CDH13: variants seen among roughly 807,000 people sequenced by gnomAD.
The protein encoded by CDH13 is cadherin-13.
In CDH13, 24 loss-of-function variants were observed where a neutral mutation model predicts 63.8. That is an observed-to-expected ratio of 0.38 (90% confidence interval 0.27 to 0.53). The LOEUF is 0.53. Among genes scored for constraint, CDH13 ranks in the 20% least tolerant of loss-of-function variants. The pLI is 0.85. For synonymous variants in CDH13, 503 were observed against 355.3 expected (o/e 1.42, Z -4.67); for missense variants, 1,049 against 903.1 (o/e 1.16, Z -2.07).
intron 4 of CDH13, among the ~76,000 whole-genome samples, chr16:83,142,836 C>A (rs566735437): frequency 6.6e-6 from 1 of 152,304 alleles, no homozygotes; most frequent in African/African-American, 2.4e-5. Context: ...GGCGCAGTGG[C>A]TTATACCTGG....
intron 4 of CDH13, among the ~76,000 whole-genome samples, chr16:83,157,740 A>T (rs914493531): frequency 1.6e-5 from 1 of 62,748 alleles, no homozygotes; most frequent in East Asian, 5.0e-4. Context: ...TAGAAATATA[A>T]AAAAAAAAAA....
At chr16:83,539,108 G>C (rs1042034399) in intron 7 of CDH13, among the ~76,000 whole-genome samples, 1 of 152,136 alleles carries the variant, frequency 6.6e-6, no homozygotes, top group African/African-American at 2.4e-5. Flanking sequence ...TGAGAATCTA[G>C]TATCCTTAGA....
intron 4 of CDH13, among the ~76,000 whole-genome samples, chr16:83,129,653 G>A (rs966761315): frequency 8.5e-5 from 13 of 152,278 alleles, no homozygotes; most frequent in African/African-American, 2.2e-4. Context: ...GTGGAGGGCC[G>A]CTTCCAGGGG....
At chr16:83,426,989 T>A (rs944943476) in intron 6 of CDH13, among the ~76,000 whole-genome samples, 2 of 134,050 alleles carry the variant, frequency 1.5e-5, no homozygotes, top group Admixed American at 1.7e-4. Context: ...TGCAGTGGCG[T>A]GATCTCGGCT....
intron 1 of CDH13, among the ~76,000 whole-genome samples, chr16:82,728,133 G>A (rs1400012956): frequency 6.6e-6 from 1 of 152,094 alleles, no homozygotes; most frequent in African/African-American, 2.4e-5. Context: ...TAAAACACCT[G>A]GAAGAGAGCT....
intron 4 of CDH13, among the ~76,000 whole-genome samples, chr16:83,169,243 C>G (rs1280212858): frequency 6.6e-6 from 1 of 151,254 alleles, no homozygotes; most frequent in Non-Finnish European, 1.5e-5. Context: ...GTGGCGGGAT[C>G]TTGGCTCACT....
At chr16:82,824,598 T>C (rs2038156405) in intron 1 of CDH13, 1 of 152,188 alleles carries the variant, frequency 6.6e-6, no homozygotes, top group Non-Finnish European at 1.5e-5. Flanking sequence ...CCAGGATGTA[T>C]CTATTTATAG....
chr16:83,037,840 A>G (rs1047131639), intron 3 of CDH13, among the ~76,000 whole-genome samples: 5 of 152,160 alleles, frequency 3.3e-5, no homozygotes, highest in Non-Finnish European at 5.9e-5. Context: ...CAATATCCTC[A>G]TCTATCAAAT....
intron 5 of CDH13, among the ~76,000 whole-genome samples, chr16:83,343,117 A>G (rs1189205414): frequency 6.6e-6 from 1 of 152,116 alleles, no homozygotes; most frequent in African/African-American, 2.4e-5. Flanking sequence ...TGCACCAGAA[A>G]TCAAGTATGT....
chr16:83,604,039 G>A (rs759677701), intron 8 of CDH13, among the ~76,000 whole-genome samples: 3 of 152,036 alleles, frequency 2.0e-5, no homozygotes, highest in East Asian at 1.9e-4. Flanking sequence ...AAGCACTCCC[G>A]TGATCCAGTC....
intron 4 of CDH13, among the ~76,000 whole-genome samples, chr16:83,203,319 C>A (rs2039086307): frequency 6.6e-6 from 1 of 152,152 alleles, no homozygotes; most frequent in Admixed American, 6.5e-5. Context: ...GCCAAGACCT[C>A]AGAGTCATGC....
chr16:83,133,263 G>A (rs1019181013), intron 4 of CDH13, among the ~76,000 whole-genome samples: 1 of 152,128 alleles, frequency 6.6e-6, no homozygotes, highest in Non-Finnish European at 1.5e-5. Context: ...GAGATGTTTT[G>A]TAAGCGTAAA....
In CDH13 at chr16:83,667,023, A is replaced by ATGGG. The variant is rs541791619; in HGVS notation, c.1102-3764_1102-3763insGTGG. Among the ~76,000 whole-genome samples, 57 of 50,978 alleles carry ATGGG rather than the reference A, an allele frequency of 1.1e-3. 1 individual carries two copies. In the East Asian group the frequency reaches 0.018, roughly 16 times the overall value. The allele number at this position is 50,978 out of a possible 152,430, so 33.4% of individuals were successfully genotyped here. On this transcript the variant is annotated intron_variant, in intron 8 of 13. Transcript: ENST00000567109. ...GATGGATGGATGGATGGATGGATGGATGGATGGGTGGATGGATGAATGGAA... is the reference window on the plus strand; with the variant it reads ...GATGGATGGATGGATGGATGGATGGATGGGTGGATGGGTGGATGGATGAATGGAA...
At chr16:83,439,602 C>G (rs1188614426) in intron 6 of CDH13, among the ~76,000 whole-genome samples, 3 of 152,178 alleles carry the variant, frequency 2.0e-5, no homozygotes, top group Non-Finnish European at 4.4e-5. Context: ...AAAGAAGCAG[C>G]TATTGTTTTA....
intron 7 of CDH13, among the ~76,000 whole-genome samples, chr16:83,488,529 T>C (rs2073943535): frequency 6.6e-6 from 1 of 152,232 alleles, no homozygotes. Context: ...TCGTTTCTAG[T>C]TAAAGAATAG....
chr16:83,189,814 C>G (rs2038640864), intron 4 of CDH13, among the ~76,000 whole-genome samples: 1 of 152,138 alleles, frequency 6.6e-6, no homozygotes, highest in South Asian at 2.1e-4. Flanking sequence ...TCCCATAATC[C>G]CCACACGTCA....
At position 83,173,082 on chromosome 16, in the gene CDH13, A is replaced by G. The variant is rs535633419; in HGVS notation, c.484-44263A>G. On this transcript the variant is annotated intron_variant, in intron 4 of 13. Coordinates refer to ENST00000567109, the MANE Select transcript of CDH13 (RefSeq NM_001257.5). ...GTGACTATTTAAACTAATATTCACA[A>G]AGCAGTTACCCTGTGCCAGGCTTAT... 9.1e-4 allele frequency among the ~76,000 whole-genome samples: 139 copies of G among 152,254 alleles called. 1 individual carries two copies. The highest frequency in any genetic ancestry group is 3.3e-3 in the African/African-American group (137 of 41,578).
intron 1 of CDH13, among the ~76,000 whole-genome samples, chr16:82,787,163 C>G (rs35518553): frequency 0.16 from 24,328 of 152,138 alleles, 2,403 homozygotes; most frequent in East Asian, 0.52. Flanking sequence ...TGGTCTCAGG[C>G]TAGGCAAGGT....
At chr16:83,527,622 A>C (rs963257565) in intron 7 of CDH13, among the ~76,000 whole-genome samples, 1 of 152,144 alleles carries the variant, frequency 6.6e-6, no homozygotes, top group African/African-American at 2.4e-5. Flanking sequence ...GGGCAACCTG[A>C]GTCTGCTTTT....
Sources: gnomAD v4.1 joint callset for allele counts (sites outside exome capture counted in the v4.1 genomes callset) on GRCh38, gnomAD v4.1.1 for gene constraint, MANE v1.5 for transcripts, NCBI Gene and HGNC (gene_info 2026-07-23, HGNC 2026-07-21) for gene names.